TTC27: variants seen among roughly 807,000 people sequenced by gnomAD.
The protein encoded by TTC27 is tetratricopeptide repeat protein 27.
A neutral mutation model predicts 115.9 loss-of-function variants in TTC27; 79 were observed. That is an observed-to-expected ratio of 0.68 (90% CI 0.57 to 0.82). The LOEUF (loss-of-function observed/expected upper bound fraction) is 0.82. Among genes scored for constraint, TTC27 ranks in the 40% least tolerant of loss-of-function variants. TTC27 has a pLI of 0.00. For missense variants in TTC27, 1,054 were observed against 993.1 expected, an observed-to-expected ratio of 1.06 and a Z score of -0.82; for synonymous variants, 401 against 356.0, an observed-to-expected ratio of 1.13 and a Z score of -1.42.
chr2:32,702,770 C>T (rs1168797468), intron 9 of TTC27, 37 bp from the exon 10 acceptor site: 8 of 1,386,586 alleles, frequency 5.8e-6, no homozygotes, highest in Non-Finnish European at 8.2e-6. Flanking sequence ...CCTAGCTTAT[C>T]TCTTTTCTAT....
intron 11 of TTC27, 106 bp downstream of exon 11, chr2:32,734,029 G>T: frequency 2.6e-6 from 2 of 764,064 alleles, no homozygotes; most frequent in Admixed American, 5.5e-5. Flanking sequence ...CAAATATTTT[G>T]CTAAAGATAA....
At chr2:32,816,752 G>T (rs1341568179) in intron 18 of TTC27, among the ~76,000 whole-genome samples, 1 of 152,116 alleles carries the variant, frequency 6.6e-6, no homozygotes, top group African/African-American at 2.4e-5. Context: ...CCTGAATGGT[G>T]CTTCAAACCC....
intron 16 of TTC27, among the ~76,000 whole-genome samples, chr2:32,799,204 G>A (rs1670837200): frequency 6.6e-6 from 1 of 150,832 alleles, no homozygotes; most frequent in South Asian, 2.1e-4. Context: ...GACACAGAAA[G>A]TAGAATGGTC....
intron 12 of TTC27, among the ~76,000 whole-genome samples, chr2:32,737,311 G>A (rs1210966327): frequency 6.6e-6 from 1 of 152,128 alleles, no homozygotes; most frequent in African/African-American, 2.4e-5. Context: ...TGCAATATTT[G>A]CATCTGTTAT....
intron 7 of TTC27, among the ~76,000 whole-genome samples, chr2:32,671,728 A>G (rs759271849): frequency 3.2e-4 from 49 of 152,182 alleles, no homozygotes; most frequent in Non-Finnish European, 6.3e-4. Flanking sequence ...CATTTCCATC[A>G]TTGATAACAA....
chr2:32,728,661 G>A (rs1462517972), intron 10 of TTC27, among the ~76,000 whole-genome samples: 1 of 152,176 alleles, frequency 6.6e-6, no homozygotes, highest in African/African-American at 2.4e-5. Flanking sequence ...TGTGGTCTTT[G>A]GAGTCTGACA....
chr2:32,671,787 C>G (rs1263709629), intron 7 of TTC27, among the ~76,000 whole-genome samples: 1 of 152,182 alleles, frequency 6.6e-6, no homozygotes, highest in South Asian at 2.1e-4. Context: ...TGCTGAGACA[C>G]AGAGTTGGGA....
intron 14 of TTC27, 38 bp from the exon 15 acceptor site, chr2:32,782,588 T>G: frequency 6.9e-6 from 11 of 1,591,756 alleles, no homozygotes; most frequent in Non-Finnish European, 9.5e-6. Flanking sequence ...TTTACCTAAA[T>G]GAGAAGAGTT....
intron 11 of TTC27, among the ~76,000 whole-genome samples, chr2:32,736,189 A>C (rs994273915): frequency 6.6e-6 from 1 of 152,046 alleles, no homozygotes; most frequent in East Asian, 1.9e-4. Flanking sequence ...AGGGACTGGG[A>C]AATTAGGTAG....
intron 16 of TTC27, among the ~76,000 whole-genome samples, chr2:32,797,638 T>C (rs1446910450): frequency 6.6e-6 from 1 of 152,106 alleles, no homozygotes; most frequent in African/African-American, 2.4e-5. Flanking sequence ...TTAAATTTAA[T>C]AGCTACAACT....
chr2:32,806,214 A>T (rs912624281), intron 16 of TTC27, among the ~76,000 whole-genome samples: 11 of 152,226 alleles, frequency 7.2e-5, no homozygotes, highest in African/African-American at 2.7e-4. Context: ...GTGGGTAAAA[A>T]CATTCACCTA....
chr2:32,704,183 A>ATT (rs982098569), intron 10 of TTC27, among the ~76,000 whole-genome samples: 8 of 148,786 alleles, frequency 5.4e-5, no homozygotes, highest in African/African-American at 2.0e-4. Flanking sequence ...AATGAAAGTG[A>ATT]TTTTTTTTTT....
chr2:32,636,162 C>T (rs1327874537), intron 3 of TTC27, among the ~76,000 whole-genome samples: 1 of 152,172 alleles, frequency 6.6e-6, no homozygotes, highest in Non-Finnish European at 1.5e-5. Context: ...CAGCCAAAGC[C>T]ATAAATATCT....
At chr2:32,741,109 G>A (rs889003110) in intron 12 of TTC27, among the ~76,000 whole-genome samples, 8 of 152,190 alleles carry the variant, frequency 5.3e-5, no homozygotes, top group African/African-American at 1.4e-4. Flanking sequence ...TGATTTTGTA[G>A]CGCCGTCTCA....
chr2:32,633,416 CT>C (rs199558426), intron 2 of TTC27, among the ~76,000 whole-genome samples: 16 of 149,006 alleles, frequency 1.1e-4, no homozygotes, highest in Admixed American at 5.4e-4. Flanking sequence ...GACCTAATTT[CT>C]TTTTTTTTTA....
chr2:32,632,988 C>A (rs1174169585), intron 2 of TTC27, among the ~76,000 whole-genome samples: 1 of 152,188 alleles, frequency 6.6e-6, no homozygotes, highest in African/African-American at 2.4e-5. Flanking sequence ...CACATCACAG[C>A]AAGACTGAAA....
intron 12 of TTC27, among the ~76,000 whole-genome samples, chr2:32,756,937 A>G (rs1572582311): frequency 6.6e-6 from 1 of 152,210 alleles, no homozygotes; most frequent in South Asian, 2.1e-4. Context: ...ACAAGTACAC[A>G]ATTAGCCTGA....
intron 10 of TTC27, among the ~76,000 whole-genome samples, chr2:32,732,352 T>C (rs1425331544): frequency 6.6e-6 from 1 of 152,256 alleles, no homozygotes; most frequent in Non-Finnish European, 1.5e-5. Flanking sequence ...CTTGACTGAA[T>C]AACATCTTGG....
At chr2:32,721,620 C>CTCTTT (rs1667928513) in intron 10 of TTC27, among the ~76,000 whole-genome samples, 1 of 137,340 alleles carries the variant, frequency 7.3e-6, no homozygotes, top group South Asian at 2.3e-4. Flanking sequence ...CTCTCTCTCT[C>CTCTTT]TTTTTTTTTT....
Sources: allele counts gnomAD v4.1 joint callset (sites outside exome capture counted in the v4.1 genomes callset), GRCh38; gene constraint gnomAD v4.1.1; transcripts MANE v1.5; gene names NCBI Gene and HGNC (gene_info 2026-07-23, HGNC 2026-07-21).